The following MIA3 variants were observed in gnomAD, a reference collection of about 807,000 sequenced individuals.
MIA3 encodes the protein MIA SH3 domain ER export factor 3, also known as transport and Golgi organization protein 1 homolog.
In MIA3, 90 loss-of-function variants were observed where a neutral mutation model predicts 192.4. The ratio of observed to expected loss-of-function variants is 0.47; its 90% CI spans 0.39 to 0.56. The LOEUF (loss-of-function observed/expected upper bound fraction) is 0.56, where lower values mean the gene tolerates loss of function less well. Among genes scored for constraint, MIA3 ranks in the 20% least tolerant of loss-of-function variants. The pLI, the probability that MIA3 is intolerant of heterozygous loss-of-function variation, is 0.00. For synonymous variants in MIA3, 740 were observed against 792.8 expected, an observed-to-expected ratio of 0.93 and a Z score of 1.12; for missense variants, 2,123 against 2,269.4, an observed-to-expected ratio of 0.94 and a Z score of 1.31.
chr1:222,659,722 T>C lies in MIA3; in HGVS notation c.4807-12T>C, dbSNP rs774982449. 4.3e-6 allele frequency: 7 copies of C among 1,613,996 alleles called. No individual in the cohort carries two copies. The highest frequency in any genetic ancestry group is 1.6e-4 in the Middle Eastern group (1 of 6,062). ...TCTCCCACAACTGAATTTGGATATT[T>C]TTCTTCAATAGCTCAAAGCTCGTGC... On this transcript the variant is annotated splice_polypyrimidine_tract_variant and intron_variant, in intron 21 of 27. Coordinates refer to ENST00000344922, the MANE Select transcript of MIA3 (RefSeq NM_198551.4).
chr1:222,666,330 G>A lies in MIA3; in HGVS notation c.*711G>A, dbSNP rs1408865542. On this transcript the variant is annotated 3_prime_UTR_variant, in exon 28 of 28. Coordinates refer to ENST00000344922, the MANE Select transcript of MIA3 (RefSeq NM_198551.4). Reference sequence around the variant, plus strand: ...AAGAAGTTTATTTCCCACTTGTATAGCATTCACATGCTTTCTTTACGATCC... The same window carrying A: ...AAGAAGTTTATTTCCCACTTGTATAACATTCACATGCTTTCTTTACGATCC... 2 of 152,130 alleles carry A rather than the reference G, an allele frequency of 1.3e-5. No homozygotes were observed. The highest frequency in any genetic ancestry group is 2.9e-5 in the Non-Finnish European group (2 of 68,028). The allele number at this position is 152,130 out of a possible 1,614,324, so 9.4% of individuals were successfully genotyped here. A position where few individuals can be genotyped will look rare whatever the true frequency, so the allele number is the denominator to read the frequency against.
rs1299703413 is a variant in MIA3, at chr1:222,667,376, T to C, written c.*1757T>C. On this transcript the variant is annotated 3_prime_UTR_variant, in exon 28 of 28. Transcript: ENST00000344922. ...ACTTTTGAATTTACCTGTCAATATC[T>C]CTTTAGGACACAAAACAATGCTGAA... 6.6e-6 allele frequency: 1 copy of C among 152,210 alleles called. No individual in the cohort carries two copies. The highest frequency in any genetic ancestry group is 2.4e-5 in the African/African-American group (1 of 41,454). The allele number at this position is 152,210 out of a possible 1,614,324, so 9.4% of individuals were successfully genotyped here.
intron 1 of MIA3, among the ~76,000 whole-genome samples, chr1:222,620,897 G>T (rs1171532787): frequency 6.6e-6 from 1 of 152,208 alleles, no homozygotes; most frequent in Non-Finnish European, 1.5e-5. Context: ...TTGGCACATT[G>T]CTTTTTGTTT....
chr1:222,654,925 T>G (rs1663638138), intron 18 of MIA3, 132 bp downstream of exon 18: 5 of 843,768 alleles, frequency 5.9e-6, no homozygotes, highest in African/African-American at 1.7e-5. Flanking sequence ...TTGTCTTTCT[T>G]TCTTTCTGCT....
chr1:222,632,954 C>CA, intron 5 of MIA3, 150 bp from the exon 6 acceptor site: 1 of 804,128 alleles, frequency 1.2e-6, no homozygotes, highest in African/African-American at 1.7e-5. Context: ...AAGAGTATTT[C>CA]ACCACAGTGC....
intron 23 of MIA3, 40 bp downstream of exon 23, chr1:222,660,046 T>C: frequency 3.8e-6 from 6 of 1,589,736 alleles, no homozygotes; most frequent in Non-Finnish European, 4.3e-6. Flanking sequence ...ATCTGTTTTT[T>C]GATGTAAAAT....
intron 24 of MIA3, 116 bp downstream of exon 24, chr1:222,660,430 T>C: frequency 9.7e-7 from 1 of 1,032,682 alleles, no homozygotes; most frequent in Non-Finnish European, 1.3e-6. Flanking sequence ...AAAAGAAAAT[T>C]TCTTAATTTG....
At chr1:222,654,519 A>G in intron 17 of MIA3, 40 bp downstream of exon 17, 3 of 1,572,272 alleles carry the variant, frequency 1.9e-6, no homozygotes, top group East Asian at 2.2e-5. Flanking sequence ...TATATTGGAA[A>G]GATACAAAAT....
intron 7 of MIA3, 41 bp from the exon 8 acceptor site, chr1:222,648,783 TAATAA>T: frequency 9.6e-7 from 1 of 1,043,064 alleles, no homozygotes; most frequent in Non-Finnish European, 1.5e-6. Context: ...ATACATCTAT[TAATAA>T]AATGTTTGAC....
At chr1:222,640,793 C>T (rs1662820079) in intron 6 of MIA3, among the ~76,000 whole-genome samples, 1 of 152,146 alleles carries the variant, frequency 6.6e-6, no homozygotes, top group South Asian at 2.1e-4. Flanking sequence ...CTTCAAAACA[C>T]ACTGTTATAC....
chr1:222,629,804 C>T lies in MIA3; in HGVS notation c.2584C>T (p.Leu862=), dbSNP rs748561305. Residue 862 remains leucine, a synonymous_variant, in exon 4 of 28, where the codon CTG becomes TTG. Transcript: ENST00000344922. ...YLKNDNPEEH[L]KTSGLAGEPE... ...GAAGAACGACAACCCTGAGGAACAT[C>T]TGAAGACCTCAGGGCTTGCAGGGGA... The T allele has an allele frequency of 1.2e-6, 2 of 1,614,032 alleles. No individual in the cohort carries two copies. Among genetic ancestry groups the T allele is most frequent in the Non-Finnish European group, 1.7e-6 (2 of 1,179,954 alleles).
chr1:222,636,914 T>G (rs907898588), intron 6 of MIA3, among the ~76,000 whole-genome samples: 3 of 152,156 alleles, frequency 2.0e-5, no homozygotes, highest in Non-Finnish European at 4.4e-5. Flanking sequence ...GTACTCTGCT[T>G]GGGTTCCCTA....
intron 6 of MIA3, among the ~76,000 whole-genome samples, chr1:222,637,456 T>G (rs976036120): frequency 5.9e-5 from 9 of 152,228 alleles, no homozygotes; most frequent in Non-Finnish European, 1.3e-4. Flanking sequence ...GAGAAACTTA[T>G]GATCAAGTAT....
intron 4 of MIA3, among the ~76,000 whole-genome samples, chr1:222,631,224 C>T (rs1188741287): frequency 6.6e-6 from 1 of 151,870 alleles, no homozygotes; most frequent in Non-Finnish European, 1.5e-5. Flanking sequence ...TAGGCCCAAG[C>T]GAACCTCCCA....
At chr1:222,621,097 T>C in intron 1 of MIA3, 62 bp from the exon 2 acceptor site, 1 of 1,367,472 alleles carries the variant, frequency 7.3e-7, no homozygotes, top group East Asian at 2.3e-5. Context: ...GATAAATCAA[T>C]ATGCACTGTG....
chr1:222,651,644 A>C (rs1166590028), intron 11 of MIA3, among the ~76,000 whole-genome samples: 1 of 95,686 alleles, frequency 1.0e-5, no homozygotes, highest in Non-Finnish European at 3.1e-5. Flanking sequence ...TTCTCTTGCC[A>C]CAAGAAAAAA....
chr1:222,632,086 C>A, intron 4 of MIA3, 79 bp from the exon 5 acceptor site: 1 of 1,356,146 alleles, frequency 7.4e-7, no homozygotes, highest in African/African-American at 1.5e-5. Flanking sequence ...TGTTGAGGTG[C>A]CCTGGTGTGG....
rs1662336923 is a variant in MIA3 at position 222,630,243 on chromosome 1, A to C, written c.3023A>C (p.Glu1008Ala). Residue 1008 changes from glutamate to alanine, a missense_variant, in exon 4 of 28, where the codon GAA (glutamate) becomes GCA (alanine). Coordinates refer to ENST00000344922, the MANE Select transcript of MIA3 (RefSeq NM_198551.4). ...VAENRDLGMN[E>A]NNIFEEAAVL... ...GAAAATAGAGATCTGGGAATGAACG[A>C]AAATAACATATTTGAAGAGGCTGCA... is the stretch of plus-strand genomic sequence containing the variant. 1 of 1,614,124 alleles carries C rather than the reference A, an allele frequency of 6.2e-7. No homozygotes were observed. The highest frequency in any genetic ancestry group is 1.7e-5 in the Admixed American group (1 of 60,012).
intron 6 of MIA3, chr1:222,644,717 G>A: frequency 1.0e-6 from 1 of 1,003,792 alleles, no homozygotes; most frequent in Non-Finnish European, 1.5e-6. Context: ...AAAGCAAGAC[G>A]TTTCTATGCT....
Sources: allele counts gnomAD v4.1 joint callset (sites outside exome capture counted in the v4.1 genomes callset), GRCh38; gene constraint gnomAD v4.1.1; transcripts MANE v1.5; gene names NCBI Gene and HGNC (gene_info 2026-07-23, HGNC 2026-07-21).